ATP8A2: variants seen among roughly 807,000 people sequenced by gnomAD.
ATP8A2 encodes the protein ATPase phospholipid transporting 8A2.
A neutral mutation model predicts 165.6 loss-of-function variants in ATP8A2; 100 were observed. That is an observed-to-expected ratio of 0.60 (90% CI 0.51 to 0.71). The LOEUF (loss-of-function observed/expected upper bound fraction) is 0.71, where lower values mean the gene tolerates loss of function less well. Ranked by LOEUF, ATP8A2 falls within the 30% of genes least tolerant of loss-of-function variation. The pLI is 0.00. For synonymous variants in ATP8A2, 543 were observed against 548.8 expected, an observed-to-expected ratio of 0.99 and a Z score of 0.15; for missense variants, 1,227 against 1,479.5, an observed-to-expected ratio of 0.83 and a Z score of 2.80.
At chr13:25,942,780 C>T (rs1427825006) in intron 33 of ATP8A2, among the ~76,000 whole-genome samples, 1 of 152,202 alleles carries the variant, frequency 6.6e-6, no homozygotes, top group African/African-American at 2.4e-5. Context: ...AAAAACTAAT[C>T]AAGGTCATAA....
intron 24 of ATP8A2, among the ~76,000 whole-genome samples, chr13:25,659,243 C>T (rs2041999115): frequency 1.3e-5 from 2 of 152,162 alleles, no homozygotes. Flanking sequence ...AAAGTTCTTT[C>T]TAAAAGCTAT....
rs147194265 is a variant in ATP8A2, at chr13:25,639,049, C to A, written c.2211+49350C>A. On this transcript the variant is annotated intron_variant, in intron 24 of 36. Transcript: ENST00000381655. ...AGAAATAAAATCCTTTACACACAAG[C>A]AAATGCTGAGAGATTTTGTCACCAC... Among the ~76,000 whole-genome samples, 2,601 of 152,196 alleles carry A rather than the reference C, an allele frequency of 0.017. 193 individuals carry two copies. In the East Asian group the frequency reaches 0.24, roughly 14 times the overall value.
intron 1 of ATP8A2, among the ~76,000 whole-genome samples, chr13:25,465,737 T>TTCTTTCCC (rs1555274928): frequency 8.0e-3 from 45 of 5,602 alleles, no homozygotes; most frequent in South Asian, 0.019. Context: ...CTTTCTTTCT[T>TTCTTTCCC]TCCCTCCCTC....
chr13:25,402,147 G>A (rs1002148995), intron 1 of ATP8A2, among the ~76,000 whole-genome samples: 5 of 152,084 alleles, frequency 3.3e-5, no homozygotes, highest in East Asian at 3.9e-4. Context: ...TCGTGAATTC[G>A]CTGGATAAGG....
intron 33 of ATP8A2, among the ~76,000 whole-genome samples, chr13:25,941,763 A>C (rs1262414329): frequency 6.6e-6 from 1 of 152,242 alleles, no homozygotes; most frequent in Non-Finnish European, 1.5e-5. Flanking sequence ...AGTGGAATGT[A>C]TCAAAATTGT....
chr13:25,643,982 A>G (rs564467563), intron 24 of ATP8A2, among the ~76,000 whole-genome samples: 2 of 11,746 alleles, frequency 1.7e-4, no homozygotes, highest in East Asian at 3.3e-3. Context: ...CCTTAGTTCA[A>G]TTTATTCCTA....
chr13:25,784,036 A>G (rs138243607), intron 27 of ATP8A2, among the ~76,000 whole-genome samples: 17 of 152,232 alleles, frequency 1.1e-4, no homozygotes, highest in African/African-American at 3.6e-4. Flanking sequence ...CAAGATACAC[A>G]ATCACTTTGA....
intron 24 of ATP8A2, among the ~76,000 whole-genome samples, chr13:25,688,696 C>T (rs553955456): frequency 2.0e-5 from 3 of 152,314 alleles, no homozygotes; most frequent in Non-Finnish European, 2.9e-5. Flanking sequence ...TACTCCCCAG[C>T]GCCTGCTGAT....
In ATP8A2 at chr13:26,025,116, C is replaced by CAAAAAAAAAAAAAAAAAAAA. The variant is rs71080217; in HGVS notation, c.*5133_*5152dup. Reference sequence around the variant, plus strand: ...GTGAATCAATAAACACCAACAACAACAAAAAAAAAAAAAAAAAAAAAGGAA... The same window carrying CAAAAAAAAAAAAAAAAAAAA: ...GTGAATCAATAAACACCAACAACAACAAAAAAAAAAAAAAAAAAAAAAAAAAAAAAAAAAAAAAAAAGGAA... On this transcript the variant is annotated 3_prime_UTR_variant, in exon 37 of 37. Coordinates refer to ENST00000381655, the MANE Select transcript of ATP8A2 (RefSeq NM_016529.6). 3 of 94,812 alleles carry CAAAAAAAAAAAAAAAAAAAA rather than the reference C, an allele frequency of 3.2e-5. No homozygotes were observed. Among genetic ancestry groups the CAAAAAAAAAAAAAAAAAAAA allele is most frequent in the Non-Finnish European group, 4.1e-5 (2 of 48,434 alleles). 5.9% of individuals were successfully genotyped at this position (94,812 alleles called of 1,614,324 possible).
At chr13:25,732,426 A>G (rs1259859099) in intron 25 of ATP8A2, among the ~76,000 whole-genome samples, 1 of 152,226 alleles carries the variant, frequency 6.6e-6, no homozygotes, top group South Asian at 2.1e-4. Flanking sequence ...GTGAGCTCCA[A>G]GCTATGATTT....
At chr13:25,896,500 G>A (rs1183430734) in intron 33 of ATP8A2, among the ~76,000 whole-genome samples, 10 of 149,502 alleles carry the variant, frequency 6.7e-5, no homozygotes, top group South Asian at 6.2e-4. Context: ...TGAGAATAAC[G>A]TATATTCTGT....
At chr13:25,657,829 T>A (rs1231076880) in intron 24 of ATP8A2, among the ~76,000 whole-genome samples, 3 of 152,214 alleles carry the variant, frequency 2.0e-5, no homozygotes, top group African/African-American at 7.2e-5. Flanking sequence ...ACATATTTTC[T>A]CTTTAAAATG....
intron 27 of ATP8A2, among the ~76,000 whole-genome samples, chr13:25,808,111 C>A (rs1950781786): frequency 6.6e-6 from 1 of 150,710 alleles, no homozygotes; most frequent in Non-Finnish European, 1.5e-5. Context: ...CAAGTTCAAA[C>A]TGGCTTTTTT....
chr13:25,490,019 A>C (rs1414575610), intron 2 of ATP8A2, among the ~76,000 whole-genome samples: 1 of 152,134 alleles, frequency 6.6e-6, no homozygotes, highest in Non-Finnish European at 1.5e-5. Context: ...GTCGGTGTAT[A>C]CTGTCTTGGT....
chr13:25,471,339 T>C (rs1342549195), intron 2 of ATP8A2, among the ~76,000 whole-genome samples: 2 of 151,628 alleles, frequency 1.3e-5, no homozygotes, highest in Non-Finnish European at 2.9e-5. Flanking sequence ...TCTTTTGTTT[T>C]AATGGAAGGT....
At chr13:25,436,028 C>T (rs1187941560) in intron 1 of ATP8A2, among the ~76,000 whole-genome samples, 6 of 147,938 alleles carry the variant, frequency 4.1e-5, no homozygotes, top group East Asian at 2.0e-4. Context: ...TTTAAGCCAC[C>T]GGCAATCTTT....
intron 33 of ATP8A2, among the ~76,000 whole-genome samples, chr13:25,947,042 C>T (rs1184801574): frequency 1.3e-5 from 2 of 152,210 alleles, no homozygotes; most frequent in Admixed American, 6.5e-5. Context: ...GCCACCGCCC[C>T]CGGCCATGTT....
At chr13:25,553,732 TA>T in intron 11 of ATP8A2, 60 bp from the exon 12 acceptor site, 1 of 1,530,656 alleles carries the variant, frequency 6.5e-7, no homozygotes, top group Non-Finnish European at 8.9e-7. Flanking sequence ...CATGAATCTC[TA>T]AATGAGCCAA....
chr13:25,604,531 G>A (rs1398604068), intron 24 of ATP8A2, among the ~76,000 whole-genome samples: 1 of 152,200 alleles, frequency 6.6e-6, no homozygotes, highest in Admixed American at 6.5e-5. Context: ...TCCAAAATGT[G>A]TAGTAAACTA....
Sources: gnomAD v4.1 joint callset for allele counts (sites outside exome capture counted in the v4.1 genomes callset) on GRCh38, gnomAD v4.1.1 for gene constraint, MANE v1.5 for transcripts, NCBI Gene and HGNC (gene_info 2026-07-23, HGNC 2026-07-21) for gene names.